The following RGS6 variants were observed in gnomAD, a reference collection of about 807,000 sequenced individuals.
RGS6 encodes the protein regulator of G-protein signaling 6.
Under a neutral mutation model 78.5 loss-of-function variants are expected in RGS6, and 30 were observed. That is an observed-to-expected ratio of 0.38 (90% CI 0.29 to 0.52). The LOEUF is 0.52. Ranked by LOEUF, RGS6 falls within the 20% of genes least tolerant of loss-of-function variation. The pLI is 0.85. For missense variants in RGS6, 495 were observed against 609.7 expected (o/e 0.81, Z 1.98); for synonymous variants, 206 against 206.0 (o/e 1.00, Z 0.00).
At chr14:72,247,132 CTCTT>C (rs2054434804) in intron 2 of RGS6, among the ~76,000 whole-genome samples, 1 of 152,174 alleles carries the variant, frequency 6.6e-6, no homozygotes, top group Non-Finnish European at 1.5e-5. Context: ...ATAATTCCAG[CTCTT>C]TCTTTCTTCT....
chr14:71,876,591 C>T, the RGS6 span, among the ~76,000 whole-genome samples: 4 of 144,240 alleles, frequency 2.8e-5, no homozygotes, highest in Admixed American at 1.5e-4. Context: ...GATGTGTCTC[C>T]TGAATACAGC....
chr14:72,488,746 C>A lies in RGS6; in HGVS notation c.855-6406C>A, dbSNP rs1390762581. 2.0e-5 allele frequency among the ~76,000 whole-genome samples: 3 copies of A among 152,176 alleles called. No homozygotes were observed. The East Asian group carries it at 5.8e-4, about 29-fold the overall frequency. On this transcript the variant is annotated intron_variant, in intron 12 of 17. Coordinates refer to ENST00000553525, the MANE Select transcript of RGS6 (RefSeq NM_001204424.2). ...CACCACAGCCTCTCCTGAGCCTTCCCTATTGTCCCCTCAGCCCAGCACTCA... is the reference window on the plus strand; with the variant it reads ...CACCACAGCCTCTCCTGAGCCTTCCATATTGTCCCCTCAGCCCAGCACTCA...
At chr14:72,224,025 A>G (rs12147219) in intron 2 of RGS6, among the ~76,000 whole-genome samples, 10,242 of 152,334 alleles carry the variant, frequency 0.067, 506 homozygotes, top group East Asian at 0.32. Context: ...GTAGTAAAGT[A>G]TTGAGAAACC....
At chr14:72,370,923 G>A (rs2083396069) in intron 3 of RGS6, among the ~76,000 whole-genome samples, 1 of 152,206 alleles carries the variant, frequency 6.6e-6, no homozygotes, top group South Asian at 2.1e-4. Flanking sequence ...AATGCCAATT[G>A]TGGTTTAAAT....
chr14:71,890,364 G>GAGAT, the RGS6 span, among the ~76,000 whole-genome samples: 5 of 150,704 alleles, frequency 3.3e-5, no homozygotes, highest in African/African-American at 4.9e-5. Context: ...AAGACAGAGA[G>GAGAT]AGAGAGAGAG....
intron 13 of RGS6, among the ~76,000 whole-genome samples, chr14:72,503,972 G>T (rs2096763726): frequency 6.6e-6 from 1 of 152,228 alleles, no homozygotes; most frequent in Non-Finnish European, 1.5e-5. Flanking sequence ...GCAGCTTTCT[G>T]TGGGGACCCC....
At chr14:72,075,731 C>T (rs2153463131) in intron 2 of RGS6, among the ~76,000 whole-genome samples, 1 of 152,276 alleles carries the variant, frequency 6.6e-6, no homozygotes, top group East Asian at 1.9e-4. Context: ...TACAAAGCTG[C>T]AGTTGTTCAA....
At chr14:72,479,590 A>C (rs2096323562) in intron 12 of RGS6, among the ~76,000 whole-genome samples, 1 of 152,190 alleles carries the variant, frequency 6.6e-6, no homozygotes, top group South Asian at 2.1e-4. Context: ...AATGTGCTGG[A>C]AAGTTGCCCT....
intron 2 of RGS6, among the ~76,000 whole-genome samples, chr14:72,121,707 G>A (rs1056440410): frequency 2.6e-5 from 4 of 152,068 alleles, no homozygotes; most frequent in African/African-American, 9.7e-5. Flanking sequence ...TTCTGTACTA[G>A]GTCTTCTGCC....
At chr14:72,308,741 A>G (rs2067853264) in intron 2 of RGS6, among the ~76,000 whole-genome samples, 1 of 152,218 alleles carries the variant, frequency 6.6e-6, no homozygotes, top group African/African-American at 2.4e-5. Context: ...ATATACATGT[A>G]TTCCTATTTG....
intron 2 of RGS6, among the ~76,000 whole-genome samples, chr14:72,243,961 A>G (rs1315321436): frequency 3.3e-5 from 5 of 152,202 alleles, no homozygotes; most frequent in Admixed American, 6.5e-5. Flanking sequence ...TTTGAATTCT[A>G]TTCATCAATA....
At chr14:71,938,971 C>T (rs1233657453) in intron 1 of RGS6, among the ~76,000 whole-genome samples, 1 of 152,190 alleles carries the variant, frequency 6.6e-6, no homozygotes, top group Non-Finnish European at 1.5e-5. Flanking sequence ...TCCCTATCTG[C>T]CACTGACAAC....
At chr14:72,458,186 C>T in intron 4 of RGS6, 85 bp from the exon 5 acceptor site, 1 of 986,160 alleles carries the variant, frequency 1.0e-6, no homozygotes, top group Non-Finnish European at 1.6e-6. Context: ...GGGGTGATGA[C>T]AGTTGACTTC....
At chr14:71,930,111 G>A (rs573915446), upstream of RGS6, among the ~76,000 whole-genome samples, 1 of 152,176 alleles carries the variant, frequency 6.6e-6, no homozygotes, top group South Asian at 2.1e-4. Context: ...CTTCTCAGTC[G>A]ACAAACCTAG....
intron 15 of RGS6, among the ~76,000 whole-genome samples, chr14:72,533,438 C>T (rs895889800): frequency 1.3e-5 from 2 of 152,214 alleles, no homozygotes; most frequent in East Asian, 1.9e-4. Context: ...ACACAACATC[C>T]GTTCTGTAGC....
intron 2 of RGS6, among the ~76,000 whole-genome samples, chr14:72,194,664 G>T (rs553454450): frequency 4.1e-4 from 62 of 152,074 alleles, no homozygotes; most frequent in African/African-American, 1.2e-3. Context: ...GCCCGGCCTG[G>T]TTTACATTTT....
At chr14:72,500,029 G>A (rs1464935705) in intron 13 of RGS6, among the ~76,000 whole-genome samples, 1 of 152,238 alleles carries the variant, frequency 6.6e-6, no homozygotes, top group Non-Finnish European at 1.5e-5. Context: ...AGAGGCAAAT[G>A]TGTGAACCTA....
At chr14:71,992,022 CTTT>C (rs11463702) in intron 2 of RGS6, among the ~76,000 whole-genome samples, 14 of 140,984 alleles carry the variant, frequency 9.9e-5, no homozygotes, top group South Asian at 4.5e-4. Context: ...TCTAGAATAT[CTTT>C]TTTTTTTTTT....
the RGS6 span, among the ~76,000 whole-genome samples, chr14:72,611,421 C>G: frequency 6.6e-6 from 1 of 152,336 alleles, no homozygotes; most frequent in Non-Finnish European, 1.5e-5. Context: ...TGGGTTTCAT[C>G]CCTGCACACA....
Sources: gnomAD v4.1 joint callset for allele counts (sites outside exome capture counted in the v4.1 genomes callset) on GRCh38, gnomAD v4.1.1 for gene constraint, MANE v1.5 for transcripts, NCBI Gene and HGNC (gene_info 2026-07-23, HGNC 2026-07-21) for gene names.